Variants in ARNT observed in about 807,000 individuals in gnomAD.
ARNT encodes aryl hydrocarbon receptor nuclear translocator, also known as class E basic helix-loop-helix protein 2.
ARNT carries 30 observed loss-of-function variants against 105.0 expected under a neutral mutation model. The ratio of observed to expected loss-of-function variants is 0.29; its 90% CI spans 0.21 to 0.39. The LOEUF is 0.39. Ranked by LOEUF, ARNT falls within the 10% of genes least tolerant of loss-of-function variation. The probability of loss-of-function intolerance (pLI) is 1.00; values close to 1 mark genes in which losing one functional copy is unlikely to be tolerated. For synonymous variants in ARNT, 304 were observed against 344.0 expected, an observed-to-expected ratio of 0.88 and a Z score of 1.29; for missense variants, 748 against 978.7, an observed-to-expected ratio of 0.76 and a Z score of 3.15.
rs935929465 is a variant in ARNT at position 150,811,403 on chromosome 1, A to C, written c.*618T>G. 6 of 233,454 alleles carry C rather than the reference A, an allele frequency of 2.6e-5. No homozygotes were observed. The highest frequency in any genetic ancestry group is 1.3e-4 in the African/African-American group (6 of 45,268). 14.5% of individuals were successfully genotyped at this position (233,454 alleles called of 1,614,324 possible). ...AAAGACAAAGGTAAAATCGGGGACAAATTTTGCATAACTCCCTAATAGGGA... is the reference window on the plus strand; with the variant it reads ...AAAGACAAAGGTAAAATCGGGGACACATTTTGCATAACTCCCTAATAGGGA... On this transcript the variant is annotated 3_prime_UTR_variant, in exon 22 of 22. Coordinates refer to ENST00000358595, the MANE Select transcript of ARNT (RefSeq NM_001668.4).
At chr1:150,868,705 T>A (rs1666986438) in intron 1 of ARNT, among the ~76,000 whole-genome samples, 1 of 150,746 alleles carries the variant, frequency 6.6e-6, no homozygotes, top group Non-Finnish European at 1.5e-5. Context: ...ATCGAGACCA[T>A]CCTGGCCAAC....
chr1:150,867,475 A>C (rs1427585880), intron 1 of ARNT, among the ~76,000 whole-genome samples: 2 of 151,360 alleles, frequency 1.3e-5, no homozygotes, highest in Admixed American at 1.3e-4. Context: ...GCTTGAGCCC[A>C]GGATTTCAAG....
chr1:150,817,763 C>T (rs1017791028), intron 15 of ARNT, among the ~76,000 whole-genome samples, 157 bp downstream of exon 15: 25 of 148,420 alleles, frequency 1.7e-4, no homozygotes, highest in African/African-American at 4.5e-4. Flanking sequence ...GAGCCTAGAT[C>T]GTGCCATTGT....
intron 1 of ARNT, among the ~76,000 whole-genome samples, chr1:150,864,248 A>C (rs1261599608): frequency 9.9e-5 from 15 of 152,104 alleles, no homozygotes; most frequent in Non-Finnish European, 1.0e-4. Flanking sequence ...TCTCCATTAT[A>C]ATCTTATGGG....
intron 1 of ARNT, among the ~76,000 whole-genome samples, chr1:150,861,724 C>T (rs960876541): frequency 2.6e-5 from 4 of 152,050 alleles, no homozygotes; most frequent in East Asian, 1.9e-4. Context: ...GCCAGGGTTT[C>T]GGTAATTTTT....
At chr1:150,840,214 C>A (rs1000225673) in intron 5 of ARNT, among the ~76,000 whole-genome samples, 5 of 151,496 alleles carry the variant, frequency 3.3e-5, no homozygotes, top group Non-Finnish European at 7.4e-5. Context: ...GCACTTCAGC[C>A]TGGGTGGCAG....
Position 150,812,025 on chromosome 1 carries a change from T to C in ARNT, c.2366A>G (p.Glu789Gly). Residue 789 changes from glutamate to glycine, a missense_variant, in exon 22 of 22, where the codon GAA (glutamate) becomes GGA (glycine). By Grantham distance (98) the Glu-to-Gly change is moderately conservative (BLOSUM62 -2). Coordinates refer to ENST00000358595, the MANE Select transcript of ARNT (RefSeq NM_001668.4). ...PDLTMFPPFS[E>G] The stretch of plus-strand genomic sequence containing the variant: ...CTTATCCTCACCCCAATAGTTCTAT[T>C]CTGAAAAGGGGGGAAACATAGTTAG... 6.4e-7 allele frequency: 1 copy of C among 1,554,644 alleles called. No homozygotes were observed.
intron 1 of ARNT, among the ~76,000 whole-genome samples, chr1:150,872,795 T>C (rs939982762): frequency 1.3e-5 from 2 of 151,988 alleles, no homozygotes; most frequent in African/African-American, 4.8e-5. Context: ...AGACCCTGTC[T>C]CTAAAAAAAA....
chr1:150,837,871 C>A (rs587661485), intron 6 of ARNT, among the ~76,000 whole-genome samples: 44 of 151,858 alleles, frequency 2.9e-4, no homozygotes, highest in South Asian at 2.3e-3. Context: ...AAAAAAAAAA[C>A]CTGCCGTGCT....
intron 6 of ARNT, among the ~76,000 whole-genome samples, chr1:150,837,990 T>G (rs1419940063): frequency 6.6e-6 from 1 of 152,220 alleles, no homozygotes; most frequent in Non-Finnish European, 1.5e-5. Context: ...TCCAATGCTT[T>G]GTCACTGTCC....
At chr1:150,815,167 T>C (rs892727331) in intron 19 of ARNT, among the ~76,000 whole-genome samples, 3 of 152,108 alleles carry the variant, frequency 2.0e-5, no homozygotes, top group African/African-American at 7.2e-5. Context: ...AACTATTACT[T>C]GTATAACATA....
intron 7 of ARNT, 197 bp from the exon 8 acceptor site, chr1:150,834,837 T>G (rs1442250904): frequency 3.9e-6 from 2 of 517,028 alleles, no homozygotes. Context: ...ATCTCACTCT[T>G]AAGTTCAAAG....
intron 13 of ARNT, among the ~76,000 whole-genome samples, chr1:150,823,643 C>T (rs1657571682): frequency 6.6e-6 from 1 of 151,596 alleles, no homozygotes; most frequent in Non-Finnish European, 1.5e-5. Context: ...CACCACCCCT[C>T]GGGTTCAAGC....
intron 10 of ARNT, among the ~76,000 whole-genome samples, chr1:150,830,734 A>G (rs1157513227): frequency 6.6e-6 from 1 of 152,252 alleles, no homozygotes; most frequent in Non-Finnish European, 1.5e-5. Flanking sequence ...CTTGGAAAAG[A>G]GAAAAACCAA....
At chr1:150,824,192 C>T (rs1657720980) in intron 13 of ARNT, among the ~76,000 whole-genome samples, 1 of 150,908 alleles carries the variant, frequency 6.6e-6, no homozygotes, top group Non-Finnish European at 1.5e-5. Context: ...GCATTTTTTG[C>T]CATTTAAAAA....
At chr1:150,816,508 C>A in intron 18 of ARNT, 102 bp from the exon 19 acceptor site, 1 of 1,369,776 alleles carries the variant, frequency 7.3e-7, no homozygotes, top group South Asian at 1.5e-5. Flanking sequence ...CCCTTGACTT[C>A]CTGCAGGTTA....
chr1:150,811,459 C>CACACACACACAA lies in ARNT; in HGVS notation c.*561_*562insTTGTGTGTGTGT, dbSNP rs1491374444. 2 of 78,594 alleles carry CACACACACACAA rather than the reference C, an allele frequency of 2.5e-5. No homozygotes were observed. The highest frequency in any genetic ancestry group is 2.0e-4 in the African/African-American group (1 of 4,950). 4.9% of individuals were successfully genotyped at this position (78,594 alleles called of 1,614,324 possible). Reference sequence around the variant, plus strand: ...AGTGAAATACAGAAGCATGTGTGCGCACACACACACACACACACATACACA... The same window carrying CACACACACACAA: ...AGTGAAATACAGAAGCATGTGTGCGCACACACACACAAACACACACACACACACACATACACA... On this transcript the variant is annotated 3_prime_UTR_variant, in exon 22 of 22. Transcript: ENST00000358595.
intron 15 of ARNT, 74 bp from the exon 16 acceptor site, chr1:150,817,507 C>A (rs1030866427): frequency 1.5e-5 from 22 of 1,443,908 alleles, no homozygotes; most frequent in Non-Finnish European, 1.8e-5. Context: ...GGAGAAAGAA[C>A]CTTAAAACAA....
At chr1:150,876,519 C>T (rs1178663226) in intron 1 of ARNT, 24 bp downstream of exon 1, 86 of 1,550,186 alleles carry the variant, frequency 5.5e-5, no homozygotes, top group Admixed American at 7.8e-5. Context: ...CCTTTAGAGG[C>T]GCCCCAGTCC....
Sources: allele counts gnomAD v4.1 joint callset (sites outside exome capture counted in the v4.1 genomes callset), GRCh38; gene constraint gnomAD v4.1.1; transcripts MANE v1.5; gene names NCBI Gene and HGNC (gene_info 2026-07-23, HGNC 2026-07-21).